Variants in CDH13 observed in about 807,000 individuals in gnomAD.
CDH13 encodes cadherin 13, also known as cadherin-13.
CDH13 carries 24 observed loss-of-function variants against 63.8 expected under a neutral mutation model. The observed-to-expected ratio is 0.38, with a 90% CI of 0.27 to 0.53. The LOEUF (loss-of-function observed/expected upper bound fraction) is 0.53, where lower values mean the gene tolerates loss of function less well. Among genes scored for constraint, CDH13 ranks in the 20% least tolerant of loss-of-function variants. The pLI, the probability that CDH13 is intolerant of heterozygous loss-of-function variation, is 0.85. For missense variants in CDH13, 1,049 were observed against 903.1 expected (o/e 1.16, Z -2.07); for synonymous variants, 503 against 355.3 (o/e 1.42, Z -4.67).
intron 7 of CDH13, among the ~76,000 whole-genome samples, chr16:83,542,226 G>T (rs2075307691): frequency 6.6e-6 from 1 of 152,136 alleles, no homozygotes; most frequent in Non-Finnish European, 1.5e-5. Flanking sequence ...TCTGAGCCTT[G>T]GTTGCACCTT....
At chr16:83,647,348 C>G (rs1338357129) in intron 8 of CDH13, among the ~76,000 whole-genome samples, 1 of 151,694 alleles carries the variant, frequency 6.6e-6, no homozygotes, top group Non-Finnish European at 1.5e-5. Flanking sequence ...CTAGCATCCA[C>G]TCTTACCCTA....
intron 2 of CDH13, among the ~76,000 whole-genome samples, chr16:82,911,063 T>C (rs954133477): frequency 1.3e-5 from 2 of 152,190 alleles, no homozygotes; most frequent in African/African-American, 4.8e-5. Flanking sequence ...CCACCTGGGC[T>C]GTAGCTCCCA....
chr16:83,168,260 A>T (rs1597454735), intron 4 of CDH13, among the ~76,000 whole-genome samples: 1 of 151,942 alleles, frequency 6.6e-6, no homozygotes, highest in African/African-American at 2.4e-5. Context: ...GAACAAAAAA[A>T]CCCCAAAGAG....
intron 7 of CDH13, among the ~76,000 whole-genome samples, chr16:83,560,900 C>CG (rs202123241): frequency 2.4e-4 from 7 of 29,536 alleles, no homozygotes; most frequent in Non-Finnish European, 7.4e-4. Flanking sequence ...ATAAGGTTGG[C>CG]CCCCCCCCCG....
intron 10 of CDH13, among the ~76,000 whole-genome samples, chr16:83,687,910 A>T (rs988094429): frequency 2.6e-5 from 4 of 152,220 alleles, no homozygotes; most frequent in Non-Finnish European, 5.9e-5. Flanking sequence ...TCTCTTTGAA[A>T]ACTACAACTG....
chr16:83,026,490 G>C (rs936060220), intron 2 of CDH13, among the ~76,000 whole-genome samples: 8 of 150,480 alleles, frequency 5.3e-5, no homozygotes, highest in Non-Finnish European at 1.0e-4. Flanking sequence ...ATAGGTTCGA[G>C]GGTGGGGGGA....
At chr16:82,712,610 A>T (rs993092484) in intron 1 of CDH13, among the ~76,000 whole-genome samples, 14 of 152,218 alleles carry the variant, frequency 9.2e-5, no homozygotes, top group Non-Finnish European at 1.3e-4. Flanking sequence ...AAAATGCAGC[A>T]GTAAAGTGTT....
At chr16:83,249,461 C>T (rs146720528) in intron 5 of CDH13, among the ~76,000 whole-genome samples, 269 of 152,268 alleles carry the variant, frequency 1.8e-3, no homozygotes, top group Non-Finnish European at 3.0e-3. Context: ...GTGCAGTTAT[C>T]GATGATATTA....
chr16:83,487,268 C>G (rs2073910935), intron 7 of CDH13, among the ~76,000 whole-genome samples: 1 of 152,208 alleles, frequency 6.6e-6, no homozygotes, highest in African/African-American at 2.4e-5. Flanking sequence ...TGTTTTACAG[C>G]TTTTAGAATT....
At chr16:83,380,884 A>G (rs1356057238) in intron 6 of CDH13, among the ~76,000 whole-genome samples, 1 of 151,126 alleles carries the variant, frequency 6.6e-6, no homozygotes, top group Non-Finnish European at 1.5e-5. Flanking sequence ...GTATATTAGG[A>G]AGTAACTAGC....
intron 2 of CDH13, among the ~76,000 whole-genome samples, chr16:82,890,785 G>A (rs2041054089): frequency 6.6e-6 from 1 of 151,792 alleles, no homozygotes. Flanking sequence ...CCGAATAGCT[G>A]AGATTATATG....
At chr16:82,686,709 T>C (rs910619071) in intron 1 of CDH13, among the ~76,000 whole-genome samples, 3 of 152,214 alleles carry the variant, frequency 2.0e-5, no homozygotes, top group African/African-American at 7.2e-5. Flanking sequence ...CTTCCTTCCG[T>C]TGACAACCCA....
chr16:83,358,143 C>T (rs201132587), intron 6 of CDH13, among the ~76,000 whole-genome samples: 3 of 152,210 alleles, frequency 2.0e-5, no homozygotes, highest in East Asian at 3.9e-4. Context: ...AGCAGGTGTC[C>T]GTATGAAGAC....
chr16:83,254,377 T>A (rs1047584466), intron 5 of CDH13, among the ~76,000 whole-genome samples: 1 of 152,194 alleles, frequency 6.6e-6, no homozygotes, highest in Non-Finnish European at 1.5e-5. Context: ...AGACCTAAGA[T>A]TGAGGAACCT....
At chr16:82,647,626 TG>T (rs1910251795) in intron 1 of CDH13, among the ~76,000 whole-genome samples, 6 of 140,542 alleles carry the variant, frequency 4.3e-5, no homozygotes, top group Admixed American at 2.7e-4. Context: ...GCCACAAATC[TG>T]GTTGGCATTG....
At chr16:82,908,811 C>A (rs921168009) in intron 2 of CDH13, among the ~76,000 whole-genome samples, 1 of 152,180 alleles carries the variant, frequency 6.6e-6, no homozygotes, top group Non-Finnish European at 1.5e-5. Flanking sequence ...GGCACATTCT[C>A]CCTATACGGT....
At position 82,773,950 on chromosome 16, in the gene CDH13, A is replaced by T. The variant is rs368442569; in HGVS notation, c.46-84412A>T. On this transcript the variant is annotated intron_variant, in intron 1 of 13. Transcript: ENST00000567109. ...AGCCACCCACCACCACCCCTGGCTG[A>T]TTTTTTGTGTTTTTGGGAGAGACAG... is the stretch of plus-strand genomic sequence containing the variant. 1.3e-5 allele frequency among the ~76,000 whole-genome samples: 2 copies of T among 151,930 alleles called. 1 individual carries two copies.
chr16:83,780,249 A>G (rs753569958), intron 12 of CDH13, 48 bp downstream of exon 12: 1 of 1,286,686 alleles, frequency 7.8e-7, no homozygotes, highest in Non-Finnish European at 1.1e-6. Context: ...CTTTCAGTTT[A>G]TTTTCTCTTT....
chr16:83,682,974 C>T (rs971837611), intron 10 of CDH13, among the ~76,000 whole-genome samples: 3 of 152,192 alleles, frequency 2.0e-5, no homozygotes, highest in Non-Finnish European at 4.4e-5. Context: ...CCAGCTAAGT[C>T]CAACTCCTGG....
Sources: gnomAD v4.1 joint callset for allele counts (sites outside exome capture counted in the v4.1 genomes callset) on GRCh38, gnomAD v4.1.1 for gene constraint, MANE v1.5 for transcripts, NCBI Gene and HGNC (gene_info 2026-07-23, HGNC 2026-07-21) for gene names.